Variants in RUNX1 observed in about 807,000 individuals in gnomAD.
RUNX1 encodes the protein runt-related transcription factor 1.
In RUNX1, 19 loss-of-function variants were observed where a neutral mutation model predicts 42.8. The observed-to-expected ratio is 0.44, with a 90% CI of 0.31 to 0.65. The LOEUF (loss-of-function observed/expected upper bound fraction) is 0.65. Ranked by LOEUF, RUNX1 falls within the 30% of genes least tolerant of loss-of-function variation. RUNX1 has a pLI of 0.07. For synonymous variants in RUNX1, 271 were observed against 289.4 expected (o/e 0.94, Z 0.64); for missense variants, 528 against 672.0 (o/e 0.79, Z 2.37).
intron 2 of RUNX1, among the ~76,000 whole-genome samples, chr21:34,931,832 A>C (rs568296715): frequency 1.4e-4 from 22 of 152,128 alleles, no homozygotes; most frequent in African/African-American, 4.8e-4. Flanking sequence ...TGGAGGGGAC[A>C]GTGGGAGATA....
chr21:35,019,432 G>T (rs1010611173), intron 2 of RUNX1, among the ~76,000 whole-genome samples: 3 of 152,160 alleles, frequency 2.0e-5, no homozygotes, highest in Non-Finnish European at 2.9e-5. Flanking sequence ...AAACTGCTGG[G>T]AGACAAAGAT....
intron 2 of RUNX1, among the ~76,000 whole-genome samples, chr21:34,965,373 C>T (rs894859686): frequency 2.6e-5 from 4 of 152,234 alleles, no homozygotes; most frequent in African/African-American, 9.6e-5. Flanking sequence ...TTTATGCAAT[C>T]CTGATGATCT....
intron 4 of RUNX1, among the ~76,000 whole-genome samples, chr21:34,882,664 T>C (rs2057922498): frequency 1.3e-5 from 2 of 151,804 alleles, no homozygotes; most frequent in Admixed American, 6.6e-5. Context: ...TAAATCTCCC[T>C]GATCAGTTAT....
intron 2 of RUNX1, among the ~76,000 whole-genome samples, chr21:34,909,445 C>A (rs868729201): frequency 5.9e-5 from 9 of 152,074 alleles, no homozygotes; most frequent in South Asian, 2.1e-4. Flanking sequence ...CCCTCCTCTG[C>A]AACAGTGAAA....
intron 2 of RUNX1, 63 bp from the exon 3 acceptor site, chr21:34,893,026 C>CTTT: frequency 2.0e-5 from 17 of 852,516 alleles, no homozygotes; most frequent in South Asian, 6.6e-5. Context: ...TTTCCCCCGA[C>CTTT]TTTTTTTTTT....
intron 2 of RUNX1, among the ~76,000 whole-genome samples, chr21:34,925,985 C>T (rs1601577732): frequency 1.3e-5 from 2 of 152,116 alleles, no homozygotes; most frequent in South Asian, 4.2e-4. Context: ...TGTCACTTAA[C>T]TTATTCTTAT....
intron 6 of RUNX1, among the ~76,000 whole-genome samples, chr21:34,849,864 T>C (rs1320136495): frequency 6.6e-6 from 1 of 151,628 alleles, no homozygotes; most frequent in Non-Finnish European, 1.5e-5. Context: ...TGAATTTAAA[T>C]GCAGATATGG....
At chr21:34,940,402 C>T (rs992112810) in intron 2 of RUNX1, among the ~76,000 whole-genome samples, 17 of 152,094 alleles carry the variant, frequency 1.1e-4, no homozygotes, top group African/African-American at 3.6e-4. Flanking sequence ...ATTTCTCAAG[C>T]GAAGTTCTAA....
At chr21:34,848,637 G>A (rs1461153111) in intron 6 of RUNX1, among the ~76,000 whole-genome samples, 1 of 152,166 alleles carries the variant, frequency 6.6e-6, no homozygotes, top group Non-Finnish European at 1.5e-5. Context: ...GTTTCACCAT[G>A]TTGGCCAGGC....
At chr21:35,011,408 G>C (rs2059125817) in intron 2 of RUNX1, among the ~76,000 whole-genome samples, 1 of 152,060 alleles carries the variant, frequency 6.6e-6, no homozygotes, top group Non-Finnish European at 1.5e-5. Flanking sequence ...TTGTCACTTG[G>C]GATAAAGTAA....
At chr21:34,914,029 G>T (rs1480234777) in intron 2 of RUNX1, among the ~76,000 whole-genome samples, 2 of 152,112 alleles carry the variant, frequency 1.3e-5, no homozygotes, top group Non-Finnish European at 2.9e-5. Context: ...TACTCAATAT[G>T]GCCAACACTC....
At chr21:35,002,425 TATTA>T (rs1405706130) in intron 2 of RUNX1, among the ~76,000 whole-genome samples, 11 of 132,770 alleles carry the variant, frequency 8.3e-5, no homozygotes, top group African/African-American at 2.8e-4. Context: ...TTTATTTATT[TATTA>T]TTTATTTATT....
chr21:34,981,574 T>G (rs903072419), intron 2 of RUNX1, among the ~76,000 whole-genome samples: 1 of 152,232 alleles, frequency 6.6e-6, no homozygotes, highest in Non-Finnish European at 1.5e-5. Flanking sequence ...AAAAAGAGTA[T>G]TCATTATTTA....
intron 2 of RUNX1, among the ~76,000 whole-genome samples, chr21:34,906,148 T>C (rs922446968): frequency 6.6e-6 from 1 of 152,230 alleles, no homozygotes; most frequent in African/African-American, 2.4e-5. Flanking sequence ...TAAGTGTACA[T>C]ACTATTGGCT....
Position 34,790,835 on chromosome 21 carries a change from T to G in RUNX1, c.*1300A>C, listed in dbSNP as rs540270111. 8.6e-6 allele frequency: 2 copies of G among 233,178 alleles called. No individual in the cohort carries two copies. Among genetic ancestry groups the G allele is most frequent in the Admixed American group, 1.1e-4 (2 of 17,792 alleles). The allele number at this position is 233,178 out of a possible 1,614,324, so 14.4% of individuals were successfully genotyped here. On this transcript the variant is annotated 3_prime_UTR_variant, in exon 9 of 9. Coordinates refer to ENST00000675419, the MANE Select transcript of RUNX1 (RefSeq NM_001754.5). The stretch of plus-strand genomic sequence containing the variant: ...ATCGTAACCCCTAAATTCATTGATT[T>G]GGTTCCTATGTAAATGTGGCTCCCC...
At chr21:34,887,246 G>GGGGGGGGGGGGGGGGGA in intron 3 of RUNX1, 150 bp from the exon 4 acceptor site, 1 of 680,688 alleles carries the variant, frequency 1.5e-6, no homozygotes, top group Non-Finnish European at 2.2e-6. Context: ...GGGGGGTGGG[G>GGGGGGGGGGGGGGGGGA]GGGGGCGGGG....
intron 2 of RUNX1, among the ~76,000 whole-genome samples, chr21:34,997,257 T>C (rs1196437815): frequency 6.6e-6 from 1 of 152,236 alleles, no homozygotes; most frequent in African/African-American, 2.4e-5. Context: ...TGCATGGCTG[T>C]AGACATAATG....
rs189286797 is a variant in RUNX1 at position 34,980,377 on chromosome 21, C to T, written c.58+68465G>A. Among the ~76,000 whole-genome samples, 470 of 152,304 alleles carry T rather than the reference C, an allele frequency of 3.1e-3. 3 individuals carry two copies. Among genetic ancestry groups the T allele is most frequent in the African/African-American group, 0.011 (455 of 41,570 alleles). ...GTCACCCCACATTTATCAGGTCCTA[C>T]GTAGCCTGGGGATGGGGTATTCTGC... On this transcript the variant is annotated intron_variant, in intron 2 of 8. Transcript: ENST00000675419.
Position 34,792,387 on chromosome 21 carries a change from T to G in RUNX1, c.1191A>C (p.Gln397His). ...GSSQAQGGPF[Q>H]ASSPSYHLYY... ...ACAGGTGGTAGGAGGGCGAGCTGGC[T>G]TGGAACGGGCCTCCCTGCGCTTGCG... The change falls in exon 9 of 9, where the codon CAA becomes CAC. Residue 397 changes from glutamine to histidine, a missense_variant. Coordinates refer to ENST00000675419, the MANE Select transcript of RUNX1 (RefSeq NM_001754.5). This position sits in a 1 kb window ranked among gnomAD's most constrained non-coding sequence, Gnocchi z 6.9. The G allele has an allele frequency of 6.4e-7, 1 of 1,564,024 alleles. No individual in the cohort carries two copies. The highest frequency in any genetic ancestry group is 1.9e-5 in the Admixed American group (1 of 52,196).
Sources: allele counts gnomAD v4.1 joint callset (sites outside exome capture counted in the v4.1 genomes callset), GRCh38; gene constraint gnomAD v4.1.1; non-coding constraint Gnocchi (gnomAD v3.1); transcripts MANE v1.5; gene names NCBI Gene and HGNC (gene_info 2026-07-23, HGNC 2026-07-21).